Variants in TAF5L observed in about 807,000 individuals in gnomAD.
The protein encoded by TAF5L is TAF5-like RNA polymerase II p300/CBP-associated factor-associated factor 65 kDa subunit 5L.
In TAF5L, 7 loss-of-function variants were observed where a neutral mutation model predicts 51.3. The ratio of observed to expected loss-of-function variants is 0.14; its 90% CI spans 0.08 to 0.26. The LOEUF (loss-of-function observed/expected upper bound fraction) is 0.26. Among genes scored for constraint, TAF5L ranks in the 10% least tolerant of loss-of-function variants. The pLI is 1.00. For synonymous variants in TAF5L, 291 were observed against 308.1 expected (o/e 0.94, Z 0.58); for missense variants, 575 against 758.9 (o/e 0.76, Z 2.85).
chr1:229,616,309 T>C (rs1301874773), intron 1 of TAF5L, among the ~76,000 whole-genome samples: 1 of 152,124 alleles, frequency 6.6e-6, no homozygotes, highest in Non-Finnish European at 1.5e-5. Context: ...CCACCGTGCC[T>C]GCTCTTCCAT....
At chr1:229,622,021 CTATCTATCTATCTATCT>C (rs887574118) in intron 1 of TAF5L, among the ~76,000 whole-genome samples, 18 of 2,998 alleles carry the variant, frequency 6.0e-3, no homozygotes, top group African/African-American at 9.8e-3. Context: ...TCATCATCAT[CTATCTATCTATCTATCT>C]ATCTATCTAT....
chr1:229,613,001 A>T (rs543799813), intron 2 of TAF5L, among the ~76,000 whole-genome samples: 5 of 151,888 alleles, frequency 3.3e-5, no homozygotes, highest in Non-Finnish European at 5.9e-5. Flanking sequence ...TTTTTCCCCC[A>T]GAATCACTAG....
chr1:229,616,176 G>A (rs991653917), intron 1 of TAF5L, among the ~76,000 whole-genome samples: 1 of 151,960 alleles, frequency 6.6e-6, no homozygotes, highest in Non-Finnish European at 1.5e-5. Flanking sequence ...ACCACACTTG[G>A]CTAATTATTA....
intron 1 of TAF5L, among the ~76,000 whole-genome samples, chr1:229,619,574 C>G (rs890864697): frequency 6.6e-6 from 1 of 152,136 alleles, no homozygotes; most frequent in Non-Finnish European, 1.5e-5. Context: ...CCATGATGTT[C>G]CAGAAGTCTT....
chr1:229,617,011 T>C (rs936508422), intron 1 of TAF5L, among the ~76,000 whole-genome samples: 1 of 152,236 alleles, frequency 6.6e-6, no homozygotes, highest in Admixed American at 6.5e-5. Context: ...CTTCTCACTA[T>C]GAAATTTACC....
intron 1 of TAF5L, among the ~76,000 whole-genome samples, chr1:229,622,871 G>C (rs949010852): frequency 1.3e-5 from 2 of 152,136 alleles, no homozygotes; most frequent in Admixed American, 1.3e-4. Flanking sequence ...GAAAGTGCTG[G>C]GATTATCGGC....
At chr1:229,604,922 T>C (rs1199135752) in intron 3 of TAF5L, among the ~76,000 whole-genome samples, 1 of 152,150 alleles carries the variant, frequency 6.6e-6, no homozygotes, top group African/African-American at 2.4e-5. Flanking sequence ...CGTTCCCTTA[T>C]CATGGAACAT....
At chr1:229,614,596 T>G (rs2273574) in intron 1 of TAF5L, 111 bp from the exon 2 acceptor site, 429,193 of 1,394,744 alleles carry the variant, frequency 0.31, 67,824 homozygotes, top group South Asian at 0.4. Context: ...AGACCAGCCA[T>G]GTGGCTAAGT....
chr1:229,616,764 T>C (rs1212385298), intron 1 of TAF5L, among the ~76,000 whole-genome samples: 1 of 152,194 alleles, frequency 6.6e-6, no homozygotes, highest in Non-Finnish European at 1.5e-5. Context: ...GCTAGAGACA[T>C]ACTCACAAGT....
chr1:229,606,291 T>C (rs1664593358), intron 3 of TAF5L: 2 of 814,046 alleles, frequency 2.5e-6, no homozygotes, highest in Non-Finnish European at 3.0e-6. Context: ...TAACATACTC[T>C]GTATTTTACT....
intron 3 of TAF5L, among the ~76,000 whole-genome samples, chr1:229,608,765 C>T (rs184646125): frequency 3.9e-5 from 6 of 152,188 alleles, no homozygotes; most frequent in East Asian, 1.9e-4. Context: ...CTTTGGGAGG[C>T]CAAGATGGGA....
chr1:229,606,787 T>TCCAAA (rs891101548), intron 3 of TAF5L: 40 of 985,298 alleles, frequency 4.1e-5, no homozygotes, highest in Non-Finnish European at 4.8e-5. Context: ...GTTGCTTGAC[T>TCCAAA]CCAAAGGCTG....
Position 229,602,108 on chromosome 1 carries a change from T to A in TAF5L, c.972+87A>T. On this transcript the variant is annotated intron_variant, in intron 4 of 4. Transcript: ENST00000258281. The surrounding 1 kb of genome is among the most constrained non-coding windows in gnomAD (Gnocchi z 4.6). The stretch of plus-strand genomic sequence containing the variant: ...CTATATGATGAGGGAAACTAGGAAG[T>A]CCATTCTAAGATATGTCGTGTTTGG... 6.5e-7 allele frequency: 1 copy of A among 1,532,454 alleles called. No homozygotes were observed. Among genetic ancestry groups the A allele is most frequent in the Non-Finnish European group, 8.8e-7 (1 of 1,141,216 alleles). The allele number at this position is 1,532,454 out of a possible 1,614,324, so 94.9% of individuals were successfully genotyped here. A position where few individuals can be genotyped will look rare whatever the true frequency, so the allele number is the denominator to read the frequency against.
intron 1 of TAF5L, among the ~76,000 whole-genome samples, chr1:229,616,162 C>T (rs745471794): frequency 2.8e-4 from 42 of 151,916 alleles, no homozygotes; most frequent in Non-Finnish European, 4.6e-4. Context: ...TACAGGCCCA[C>T]GCTACCACAC....
chr1:229,606,608 T>C (rs1664604360), intron 3 of TAF5L: 1 of 985,352 alleles, frequency 1.0e-6, no homozygotes, highest in Non-Finnish European at 1.2e-6. Flanking sequence ...AAGCCCACAC[T>C]ACTTGGTCCT....
intron 3 of TAF5L, among the ~76,000 whole-genome samples, chr1:229,604,060 G>T (rs1664491106): frequency 6.6e-6 from 1 of 152,020 alleles, no homozygotes. Flanking sequence ...ATGAGTCTGG[G>T]TTTCATAAAG....
chr1:229,595,093 T>C, exon 5 of TAF5L: 1 of 1,586,522 alleles, frequency 6.3e-7, no homozygotes. Flanking sequence ...ATCCTCATCA[T>C]CCTGGGAACA....
intron 1 of TAF5L, among the ~76,000 whole-genome samples, chr1:229,623,268 C>A (rs540013841): frequency 1.5e-4 from 23 of 152,338 alleles, no homozygotes; most frequent in Admixed American, 4.6e-4. Flanking sequence ...GAGTGGAACT[C>A]CGTCTCCAAA....
intron 3 of TAF5L, chr1:229,606,438 C>T (rs187724232): frequency 6.1e-6 from 6 of 985,192 alleles, no homozygotes; most frequent in East Asian, 1.1e-4. Context: ...ACTCTACTGG[C>T]GGTAAATGAG....
Sources: gnomAD v4.1 joint callset for allele counts (sites outside exome capture counted in the v4.1 genomes callset) on GRCh38, gnomAD v4.1.1 for gene constraint, Gnocchi (gnomAD v3.1) non-coding constraint, MANE v1.5 for transcripts, NCBI Gene and HGNC (gene_info 2026-07-23, HGNC 2026-07-21) for gene names.